Variants in MYO1H observed in about 807,000 individuals in gnomAD.
The protein encoded by MYO1H is unconventional myosin-Ih.
Under a neutral mutation model 149.3 loss-of-function variants are expected in MYO1H, and 118 were observed. That is an observed-to-expected ratio of 0.79 (90% CI 0.68 to 0.92). MYO1H has a LOEUF of 0.92. Among genes scored for constraint, MYO1H ranks in the 40% least tolerant of loss-of-function variants. The pLI is 0.00. For missense variants in MYO1H, 1,212 were observed against 1,280.7 expected (o/e 0.95, Z 0.82); for synonymous variants, 447 against 465.2 (o/e 0.96, Z 0.50).
chr12:109,332,318 A>G, the MYO1H span, among the ~76,000 whole-genome samples: 2 of 152,354 alleles, frequency 1.3e-5, no homozygotes, highest in East Asian at 3.9e-4. Flanking sequence ...GGAGATGGGA[A>G]GATGACCCCT....
intron 1 of MYO1H, among the ~76,000 whole-genome samples, chr12:109,368,436 A>T (rs1868913990): frequency 6.6e-6 from 1 of 152,152 alleles, no homozygotes; most frequent in African/African-American, 2.4e-5. Context: ...CAGGCGGATC[A>T]CCTGAGGTCA....
chr12:109,443,732 AAC>A (rs1287525898), intron 28 of MYO1H, 83 bp downstream of exon 28: 1 of 1,527,922 alleles, frequency 6.5e-7, no homozygotes, highest in African/African-American at 1.4e-5. Flanking sequence ...CCAAATGGGA[AAC>A]ACAAGTGTAG....
chr12:109,393,175 T>C (rs7958220), intron 2 of MYO1H, among the ~76,000 whole-genome samples, 156 bp from the exon 3 acceptor site: 70,437 of 151,718 alleles, frequency 0.46, 17,145 homozygotes, highest in African/African-American at 0.6. Context: ...TTGTCTGCTG[T>C]CTCCCTCATA....
chr12:109,366,565 C>G (rs762608463), intron 1 of MYO1H, among the ~76,000 whole-genome samples: 9 of 152,228 alleles, frequency 5.9e-5, no homozygotes, highest in Admixed American at 6.5e-5. Flanking sequence ...TCTTTCTGAA[C>G]TTCCAGAACA....
At chr12:109,411,852 A>G in intron 13 of MYO1H, 42 bp from the exon 14 acceptor site, 1 of 1,392,516 alleles carries the variant, frequency 7.2e-7, no homozygotes, top group Non-Finnish European at 1.0e-6. Flanking sequence ...GCATTGATGG[A>G]GTGTGGTGCT....
chr12:109,440,508 G>T, intron 24 of MYO1H: 1 of 476,158 alleles, frequency 2.1e-6, no homozygotes, highest in East Asian at 3.9e-5. Context: ...TCTCATTATA[G>T]CCAGTTCTGC....
intron 15 of MYO1H, among the ~76,000 whole-genome samples, chr12:109,420,421 G>A (rs981562976): frequency 1.3e-5 from 2 of 152,180 alleles, no homozygotes; most frequent in Admixed American, 1.3e-4. Flanking sequence ...AGTTCATCAG[G>A]CTGTGCAGGA....
intron 1 of MYO1H, among the ~76,000 whole-genome samples, chr12:109,383,469 C>G (rs1869246153): frequency 1.3e-5 from 2 of 152,178 alleles, no homozygotes; most frequent in African/African-American, 4.8e-5. Flanking sequence ...CAGAAGTTTC[C>G]CATAACAGGA....
At chr12:109,338,040 A>G in the MYO1H span, among the ~76,000 whole-genome samples, 47,385 of 151,912 alleles carry the variant, frequency 0.31, 7,821 homozygotes, top group Middle Eastern at 0.41. Context: ...AAAAGGGGAA[A>G]TGTCTCCCAA....
rs556802778 is a variant in MYO1H, at chr12:109,444,514, A to G, written c.2978A>G (p.Asn993Ser). 1.5e-5 allele frequency: 24 copies of G among 1,613,794 alleles called. No homozygotes were observed. The highest frequency in any genetic ancestry group is 1.6e-4 in the Middle Eastern group (1 of 6,062). ...CTGGTTAAGAAGGAGAACATTGTCAATGTTGTTCAAGGAAGGTAGGTGGCT... is the reference window on the plus strand; with the variant it reads ...CTGGTTAAGAAGGAGAACATTGTCAGTGTTGTTCAAGGAAGGTAGGTGGCT... Residue 993 changes from asparagine to serine, a missense_variant, in exon 30 of 32, where the codon AAT becomes AGT. Coordinates refer to ENST00000310903, the Ensembl canonical transcript of MYO1H.
chr12:109,440,881 TC>T (rs988315820), intron 25 of MYO1H, 54 bp downstream of exon 25: 1 of 1,282,052 alleles, frequency 7.8e-7, no homozygotes, highest in African/African-American at 1.5e-5. Context: ...TAAGAGTGGG[TC>T]CTGAGTGTCA....
chr12:109,313,938 G>A, the MYO1H span, among the ~76,000 whole-genome samples: 1 of 152,150 alleles, frequency 6.6e-6, no homozygotes, highest in South Asian at 2.1e-4. Context: ...AGTCTGGAGT[G>A]CAGTGGTGGG....
chr12:109,446,429 G>A (rs751610776), intron 31 of MYO1H: 76 of 985,298 alleles, frequency 7.7e-5, no homozygotes, highest in Non-Finnish European at 8.9e-5. Flanking sequence ...TGAACATGGA[G>A]TGTCTCATAC....
At chr12:109,397,179 G>C (rs989713077) in intron 4 of MYO1H, among the ~76,000 whole-genome samples, 3 of 152,018 alleles carry the variant, frequency 2.0e-5, no homozygotes, top group Admixed American at 1.3e-4. Flanking sequence ...ACACACAGCA[G>C]AATTAGGAAG....
At chr12:109,352,652 A>C (rs1868489676) in intron 1 of MYO1H, among the ~76,000 whole-genome samples, 1 of 152,200 alleles carries the variant, frequency 6.6e-6, no homozygotes, top group South Asian at 2.1e-4. Flanking sequence ...ATTGTACAGA[A>C]AACACCCACT....
intron 1 of MYO1H, chr12:109,354,542 C>A (rs564972335): frequency 1.3e-5 from 2 of 151,414 alleles, no homozygotes; most frequent in East Asian, 3.9e-4. Context: ...ATCGCTTTAA[C>A]CCAGGAGGTG....
At chr12:109,320,335 C>T in the MYO1H span, among the ~76,000 whole-genome samples, 2 of 150,506 alleles carry the variant, frequency 1.3e-5, no homozygotes, top group African/African-American at 4.9e-5. Flanking sequence ...ACGGGCCAGA[C>T]GTGGTGGCTC....
chr12:109,394,132 G>A (rs939442564), intron 3 of MYO1H, among the ~76,000 whole-genome samples: 3 of 152,012 alleles, frequency 2.0e-5, no homozygotes, highest in Non-Finnish European at 4.4e-5. Flanking sequence ...ATACATACTC[G>A]CCTGCAGTAT....
At chr12:109,384,482 T>C (rs1185197846) in intron 1 of MYO1H, among the ~76,000 whole-genome samples, 1 of 152,208 alleles carries the variant, frequency 6.6e-6, no homozygotes, top group East Asian at 1.9e-4. Flanking sequence ...CACTCCAACT[T>C]CTTGATTACC....
Sources: gnomAD v4.1 joint callset for allele counts (sites outside exome capture counted in the v4.1 genomes callset) on GRCh38, gnomAD v4.1.1 for gene constraint, MANE v1.5 for transcripts, NCBI Gene and HGNC (gene_info 2026-07-23, HGNC 2026-07-21) for gene names.